The following SCAI variants were observed in gnomAD, a reference collection of about 807,000 sequenced individuals.
SCAI encodes suppressor of cancer cell invasion.
SCAI carries 24 observed loss-of-function variants against 92.2 expected under a neutral mutation model. That is an observed-to-expected ratio of 0.26 (90% CI 0.19 to 0.37). The LOEUF (loss-of-function observed/expected upper bound fraction) is 0.37. SCAI is among the 10% of genes least tolerant of loss of function. The pLI is 1.00. For synonymous variants in SCAI, 261 were observed against 258.6 expected, an observed-to-expected ratio of 1.01 and a Z score of -0.09; for missense variants, 450 against 736.2, an observed-to-expected ratio of 0.61 and a Z score of 4.50.
At chr9:125,064,321 A>G (rs1452421041) in intron 2 of SCAI, among the ~76,000 whole-genome samples, 1 of 152,196 alleles carries the variant, frequency 6.6e-6, no homozygotes, top group African/African-American at 2.4e-5. Flanking sequence ...TTTTATTCAC[A>G]TACCCATGGA....
At chr9:125,065,663 A>G (rs1248305211) in intron 2 of SCAI, among the ~76,000 whole-genome samples, 1 of 152,220 alleles carries the variant, frequency 6.6e-6, no homozygotes, top group African/African-American at 2.4e-5. Flanking sequence ...ATTCTCACTA[A>G]TGAGTATAGA....
intron 2 of SCAI, among the ~76,000 whole-genome samples, chr9:125,130,867 A>G (rs1425568262): frequency 6.6e-5 from 10 of 151,916 alleles, no homozygotes. Flanking sequence ...GCTATAGACT[A>G]AAAAAGACTT....
At chr9:125,108,296 A>G (rs1371077573) in intron 2 of SCAI, among the ~76,000 whole-genome samples, 2 of 139,318 alleles carry the variant, frequency 1.4e-5, no homozygotes, top group Admixed American at 7.2e-5. Flanking sequence ...GCCGCCCATC[A>G]TCTGGGATGT....
At chr9:124,991,558 G>A (rs1037423575) in intron 14 of SCAI, among the ~76,000 whole-genome samples, 1 of 151,760 alleles carries the variant, frequency 6.6e-6, no homozygotes, top group Non-Finnish European at 1.5e-5. Flanking sequence ...AAACTTGCAG[G>A]TCGGGCATGG....
chr9:125,103,039 C>T (rs1039813381), intron 2 of SCAI, among the ~76,000 whole-genome samples: 1 of 152,146 alleles, frequency 6.6e-6, no homozygotes, highest in African/African-American at 2.4e-5. Context: ...AAGTCTAGGT[C>T]TACAGTCATT....
intron 2 of SCAI, among the ~76,000 whole-genome samples, chr9:125,072,959 CATGTT>C (rs1022927541): frequency 1.3e-5 from 2 of 151,890 alleles, no homozygotes; most frequent in Non-Finnish European, 2.9e-5. Flanking sequence ...GGGTTGCTGC[CATGTT>C]ATAACTACTG....
intron 12 of SCAI, among the ~76,000 whole-genome samples, chr9:125,000,432 A>T (rs1310210653): frequency 6.6e-6 from 1 of 152,112 alleles, no homozygotes; most frequent in Non-Finnish European, 1.5e-5. Context: ...GGAGGACTGC[A>T]TGAGGCCAGG....
intron 9 of SCAI, among the ~76,000 whole-genome samples, chr9:125,005,615 G>A (rs941357415): frequency 6.6e-5 from 10 of 152,214 alleles, no homozygotes; most frequent in Non-Finnish European, 1.5e-4. Flanking sequence ...ACAGGCATGA[G>A]CCACTGCGCC....
At position 125,014,158 on chromosome 9, in the gene SCAI, C is replaced by T. The variant is rs1470566563; in HGVS notation, c.861+4641G>A. On this transcript the variant is annotated intron_variant, in intron 9 of 17. Transcript: ENST00000336505. ...CCTCTCTCACCACTCCTATTCAACA[C>T]AGTGTTGGAAGTTCTGGCCAGGGCA... is the stretch of plus-strand genomic sequence containing the variant. Among the ~76,000 whole-genome samples the T allele has an allele frequency of 2.0e-5, 3 of 152,226 alleles. No individual in the cohort carries two copies. In the East Asian group the frequency reaches 5.8e-4, roughly 29 times the overall value.
At chr9:125,075,320 A>G (rs1403886342) in intron 2 of SCAI, among the ~76,000 whole-genome samples, 1 of 152,224 alleles carries the variant, frequency 6.6e-6, no homozygotes, top group Non-Finnish European at 1.5e-5. Context: ...AAATGTAGGC[A>G]AAAGCCTCAA....
chr9:125,092,254 T>C (rs1834446170), intron 2 of SCAI, among the ~76,000 whole-genome samples: 2 of 147,324 alleles, frequency 1.4e-5, no homozygotes, highest in South Asian at 4.3e-4. Flanking sequence ...AGGTCAGGAG[T>C]TCAAGACCAC....
At chr9:125,040,495 C>T (rs970574307) in intron 3 of SCAI, among the ~76,000 whole-genome samples, 8 of 152,104 alleles carry the variant, frequency 5.3e-5, no homozygotes, top group African/African-American at 1.9e-4. Flanking sequence ...AAGAATATAT[C>T]GGGTTTCTTT....
At chr9:124,990,356 G>C (rs1832094272) in intron 14 of SCAI, among the ~76,000 whole-genome samples, 1 of 152,054 alleles carries the variant, frequency 6.6e-6, no homozygotes, top group Admixed American at 6.6e-5. Flanking sequence ...AGGTGTGGTG[G>C]CACGTGCTTA....
chr9:124,989,063 T>C (rs766153332), intron 14 of SCAI, among the ~76,000 whole-genome samples: 1 of 151,984 alleles, frequency 6.6e-6, no homozygotes, highest in Non-Finnish European at 1.5e-5. Flanking sequence ...CTCCTGAACC[T>C]GGGTGGTGGA....
intron 13 of SCAI, among the ~76,000 whole-genome samples, chr9:124,996,229 G>T (rs1279155650): frequency 2.7e-5 from 3 of 110,190 alleles, no homozygotes; most frequent in Non-Finnish European, 3.8e-5. Flanking sequence ...GTGGGGGGGT[G>T]GTGCTGGGGG....
intron 2 of SCAI, among the ~76,000 whole-genome samples, chr9:125,122,535 A>G (rs528581757): frequency 1.7e-3 from 246 of 142,538 alleles, no homozygotes; most frequent in Admixed American, 4.3e-3. Context: ...GTTGCAGTGA[A>G]CCAAGATTGC....
At chr9:125,132,626 T>C (rs953198771) in intron 2 of SCAI, among the ~76,000 whole-genome samples, 30 of 152,220 alleles carry the variant, frequency 2.0e-4, no homozygotes, top group African/African-American at 7.2e-4. Context: ...TAAACTCATG[T>C]TCTTACCGTC....
chr9:125,066,150 C>T (rs958049018), intron 2 of SCAI: 1 of 607,566 alleles, frequency 1.6e-6, no homozygotes, highest in Non-Finnish European at 2.9e-6. Flanking sequence ...TCAAAAGAAT[C>T]TATATGTAAT....
intron 9 of SCAI, among the ~76,000 whole-genome samples, chr9:125,011,739 C>T (rs1588150747): frequency 1.3e-5 from 2 of 152,178 alleles, no homozygotes; most frequent in East Asian, 3.9e-4. Flanking sequence ...GTCAGATTCA[C>T]CAAAGTTGAA....
Sources: gnomAD v4.1 joint callset for allele counts (sites outside exome capture counted in the v4.1 genomes callset) on GRCh38, gnomAD v4.1.1 for gene constraint, MANE v1.5 for transcripts, NCBI Gene and HGNC (gene_info 2026-07-23, HGNC 2026-07-21) for gene names.